The following ST14 variants were observed in gnomAD, a reference collection of about 807,000 sequenced individuals.
ST14 encodes suppressor of tumorigenicity 14 protein.
ST14 carries 40 observed loss-of-function variants against 96.5 expected under a neutral mutation model. That is an observed-to-expected ratio of 0.41 (90% CI 0.32 to 0.54). The LOEUF (loss-of-function observed/expected upper bound fraction) is 0.54, where lower values mean the gene tolerates loss of function less well. Ranked by LOEUF, ST14 falls within the 20% of genes least tolerant of loss-of-function variation. The pLI, the probability that ST14 is intolerant of heterozygous loss-of-function variation, is 0.17. For synonymous variants in ST14, 506 were observed against 492.1 expected, an observed-to-expected ratio of 1.03 and a Z score of -0.37; for missense variants, 1,066 against 1,188.9, an observed-to-expected ratio of 0.90 and a Z score of 1.52.
At chr11:130,183,486 T>C (rs1031362589) in intron 1 of ST14, among the ~76,000 whole-genome samples, 3 of 150,986 alleles carry the variant, frequency 2.0e-5, no homozygotes, top group African/African-American at 7.4e-5. Flanking sequence ...TGCAGGAGGA[T>C]TGCTTGAGCC....
In ST14 at chr11:130,188,893, C is replaced by T; in HGVS notation, c.394C>T (p.Pro132Ser). The T allele has an allele frequency of 6.2e-7, 1 of 1,613,042 alleles. No homozygotes were observed. Among genetic ancestry groups the T allele is most frequent in the Non-Finnish European group, 8.5e-7 (1 of 1,179,684 alleles). The change falls in exon 4 of 19, where the codon CCA becomes TCA. Residue 132 changes from proline to serine, a missense_variant. Physicochemically the swap from Pro to Ser is moderately conservative, Grantham distance 74. Coordinates refer to ENST00000278742, the MANE Select transcript of ST14 (RefSeq NM_021978.4). The surrounding 1 kb of genome is among the most constrained non-coding windows in gnomAD (Gnocchi z 5.4). ...DALKLLYSGV[P>S]FLGPYHKESA... ...GCTGAAGCTGCTGTACAGCGGAGTC[C>T]CATTCCTGGGCCCCTACCACAAGGA...
At chr11:130,194,048 G>A in intron 7 of ST14, 101 bp from the exon 8 acceptor site, 1 of 1,493,740 alleles carries the variant, frequency 6.7e-7, no homozygotes, top group Non-Finnish European at 9.3e-7. Context: ...CCAGAGTTAG[G>A]GGTGGGGTCC....
At chr11:130,190,868 T>A (rs984923004) in intron 7 of ST14, among the ~76,000 whole-genome samples, 174 bp downstream of exon 7, 1 of 151,822 alleles carries the variant, frequency 6.6e-6, no homozygotes, top group African/African-American at 2.4e-5. Context: ...TCCAGGGGAG[T>A]CTGGGAGGTG....
chr11:130,191,783 TA>T (rs1953305771), intron 7 of ST14, among the ~76,000 whole-genome samples: 1 of 151,582 alleles, frequency 6.6e-6, no homozygotes, highest in Admixed American at 6.6e-5. Flanking sequence ...CTTGTTTGAA[TA>T]ATTTCAGTAG....
rs532055328 is a variant in ST14 at position 130,171,617 on chromosome 11, G to A, written c.81+11557G>A. Among the ~76,000 whole-genome samples, 11 of 152,262 alleles carry A rather than the reference G, an allele frequency of 7.2e-5. No individual in the cohort carries two copies. The South Asian group carries it at 2.1e-3, about 29-fold the overall frequency. On this transcript the variant is annotated intron_variant, in intron 1 of 18. Coordinates refer to ENST00000278742, the MANE Select transcript of ST14 (RefSeq NM_021978.4). Reference sequence around the variant, plus strand: ...CAAGATCAAAGATAACCAGGTCCCCGCACGTTTGTGTCTTTCCACAAGGTC... The same window carrying A: ...CAAGATCAAAGATAACCAGGTCCCCACACGTTTGTGTCTTTCCACAAGGTC...
intron 1 of ST14, among the ~76,000 whole-genome samples, chr11:130,167,402 C>G (rs1953051263): frequency 6.6e-6 from 1 of 152,142 alleles, no homozygotes; most frequent in African/African-American, 2.4e-5. Context: ...TTCCCTCTCC[C>G]AGATTTTAGA....
chr11:130,160,791 G>A, intron 1 of ST14, among the ~76,000 whole-genome samples: 1 of 152,306 alleles, frequency 6.6e-6, no homozygotes, highest in South Asian at 2.1e-4. Flanking sequence ...GGGATGGGTC[G>A]CTAGTCACTT....
chr11:130,161,539 T>C (rs1952998710), intron 1 of ST14, among the ~76,000 whole-genome samples: 1 of 152,120 alleles, frequency 6.6e-6, no homozygotes. Context: ...CTCTGAGCCA[T>C]CTCACCACCT....
rs758207075 is a variant in ST14 at position 130,190,536 on chromosome 11, C to T, written c.717C>T (p.Pro239=). The T allele has an allele frequency of 5.0e-6, 8 of 1,611,250 alleles. No individual in the cohort carries two copies. Among genetic ancestry groups the T allele is most frequent in the East Asian group, 2.2e-5 (1 of 44,896 alleles). ...CCGGCTTCCCTGACAGCCCCTACCC[C>T]GCTCATGCCCGCTGCCAGTGGGCCC... ...TTPGFPDSPY[P]AHARCQWALR... is the part of the protein sequence containing the mutation. Residue 239 remains proline, a synonymous_variant, in exon 7 of 19, where the codon CCC becomes CCT. Coordinates refer to ENST00000278742, the MANE Select transcript of ST14 (RefSeq NM_021978.4).
rs970350969 is a variant in ST14 at position 130,210,089 on chromosome 11, G to T, written c.*266G>T. The stretch of plus-strand genomic sequence containing the variant: ...AAGGTTTGAAGACACAGCCTCCCCC[G>T]CCAGCCCCAAGCTGGGCCGAGGCGC... On this transcript the variant is annotated 3_prime_UTR_variant, in exon 19 of 19. Transcript: ENST00000278742. The T allele has an allele frequency of 8.2e-6, 4 of 488,552 alleles. No homozygotes were observed. The highest frequency in any genetic ancestry group is 7.4e-5 in the East Asian group (2 of 27,138). The allele number at this position is 488,552 out of a possible 1,614,324, so 30.3% of individuals were successfully genotyped here.
At chr11:130,208,339 C>A (rs371599186) in intron 16 of ST14, 71 bp from the exon 17 acceptor site, 13 of 1,604,648 alleles carry the variant, frequency 8.1e-6, no homozygotes, top group Non-Finnish European at 1.1e-5. Context: ...CCTCTGGGAA[C>A]GCGCGGGGCC....
intron 1 of ST14, among the ~76,000 whole-genome samples, chr11:130,160,586 G>C (rs918035069): frequency 1.6e-4 from 24 of 152,202 alleles, no homozygotes; most frequent in African/African-American, 5.8e-4. Flanking sequence ...AAGAACTCCA[G>C]AGTTGGGCTT....
chr11:130,161,596 C>G (rs920761618), intron 1 of ST14, among the ~76,000 whole-genome samples: 3 of 152,224 alleles, frequency 2.0e-5, no homozygotes. Flanking sequence ...CCCCAGGATC[C>G]CACATTCAGC....
Position 130,190,559 on chromosome 11 carries a change from C to T in ST14, c.740C>T (p.Ala247Val), listed in dbSNP as rs1328556886. The T allele has an allele frequency of 1.2e-6, 2 of 1,612,228 alleles. No homozygotes were observed. Among genetic ancestry groups the T allele is most frequent in the African/African-American group, 1.3e-5 (1 of 74,946 alleles). The stretch of plus-strand genomic sequence containing the variant: ...CCCGCTCATGCCCGCTGCCAGTGGG[C>T]CCTGCGGGGGGACGCCGACTCAGTG... ...PYPAHARCQW[A>V]LRGDADSVLS... The change falls in exon 7 of 19, where the codon GCC (alanine) becomes GTC (valine). Residue 247 changes from alanine (A) to valine (V), a missense_variant. Physicochemically the swap from Ala to Val is moderately conservative, Grantham distance 64. Coordinates refer to ENST00000278742, the MANE Select transcript of ST14 (RefSeq NM_021978.4).
intron 1 of ST14, among the ~76,000 whole-genome samples, chr11:130,163,878 C>A (rs1229694193): frequency 6.6e-6 from 1 of 152,190 alleles, no homozygotes; most frequent in African/African-American, 2.4e-5. Flanking sequence ...CCTGCTCGAG[C>A]CGACTTGCTG....
chr11:130,198,836 C>G, intron 14 of ST14, 111 bp from the exon 15 acceptor site: 1 of 1,602,552 alleles, frequency 6.2e-7, no homozygotes, highest in Non-Finnish European at 8.5e-7. Flanking sequence ...TGGGGCAGGC[C>G]TGGGTGAGGG....
intron 7 of ST14, among the ~76,000 whole-genome samples, chr11:130,191,016 G>A (rs1006411374): frequency 6.6e-6 from 1 of 152,226 alleles, no homozygotes; most frequent in African/African-American, 2.4e-5. Context: ...ATTATTCAGG[G>A]ATATGAAGGC....
At position 130,187,700 on chromosome 11, in the gene ST14, G is replaced by A. The variant is rs890048089; in HGVS notation, c.82-414G>A. Reference sequence around the variant, plus strand: ...CCTGCTCCTAGAAGTCTGCACAGGGGTACCAGTTGCCAGTCATGGGCCTGG... The same window carrying A: ...CCTGCTCCTAGAAGTCTGCACAGGGATACCAGTTGCCAGTCATGGGCCTGG... On this transcript the variant is annotated intron_variant, in intron 1 of 18. Coordinates refer to ENST00000278742, the MANE Select transcript of ST14 (RefSeq NM_021978.4). The surrounding 1 kb of genome is among the most constrained non-coding windows in gnomAD (Gnocchi z 4.5). Among the ~76,000 whole-genome samples, 1 of 152,128 alleles carries A rather than the reference G, an allele frequency of 6.6e-6. No homozygotes were observed. The highest frequency in any genetic ancestry group is 2.1e-4 in the South Asian group (1 of 4,830).
At chr11:130,178,508 G>C (rs1006846677) in intron 1 of ST14, among the ~76,000 whole-genome samples, 1 of 152,234 alleles carries the variant, frequency 6.6e-6, no homozygotes, top group Non-Finnish European at 1.5e-5. Context: ...AGTTGGGACG[G>C]GACTTGAAAC....
Sources: gnomAD v4.1 joint callset for allele counts (sites outside exome capture counted in the v4.1 genomes callset) on GRCh38, gnomAD v4.1.1 for gene constraint, Gnocchi (gnomAD v3.1) non-coding constraint, MANE v1.5 for transcripts, NCBI Gene and HGNC (gene_info 2026-07-23, HGNC 2026-07-21) for gene names.